The following CACUL1 variants were observed in gnomAD, a reference collection of about 807,000 sequenced individuals.
CACUL1 encodes CDK2 associated cullin domain 1.
In CACUL1, 13 loss-of-function variants were observed where a neutral mutation model predicts 45.2. That is an observed-to-expected ratio of 0.29 (90% CI 0.19 to 0.46). CACUL1 has a LOEUF of 0.46. CACUL1 is among the 20% of genes least tolerant of loss of function. CACUL1 has a pLI of 1.00. For synonymous variants in CACUL1, 197 were observed against 174.2 expected, an observed-to-expected ratio of 1.13 and a Z score of -1.03; for missense variants, 421 against 471.4, an observed-to-expected ratio of 0.89 and a Z score of 0.99.
At chr10:118,739,580 A>C (rs1276408557) in intron 1 of CACUL1, among the ~76,000 whole-genome samples, 1 of 152,214 alleles carries the variant, frequency 6.6e-6, no homozygotes, top group Non-Finnish European at 1.5e-5. Context: ...ATATGCCAAG[A>C]CCTGAAACTT....
At chr10:118,739,663 G>T (rs182762417) in intron 1 of CACUL1, among the ~76,000 whole-genome samples, 9 of 152,266 alleles carry the variant, frequency 5.9e-5, no homozygotes, top group Admixed American at 5.9e-4. Context: ...CAATAAAAAG[G>T]AAGACAAGCA....
intron 4 of CACUL1, among the ~76,000 whole-genome samples, chr10:118,704,653 T>C (rs1845416742): frequency 6.6e-6 from 1 of 152,236 alleles, no homozygotes; most frequent in Non-Finnish European, 1.5e-5. Context: ...ATGCCCACCT[T>C]TGAGTAGTGT....
chr10:118,687,213 T>C (rs542464061), intron 7 of CACUL1, among the ~76,000 whole-genome samples: 1 of 152,308 alleles, frequency 6.6e-6, no homozygotes, highest in African/African-American at 2.4e-5. Flanking sequence ...TAGTCCAGGA[T>C]GGTGATCATA....
chr10:118,724,440 C>T (rs1009925963), intron 3 of CACUL1, among the ~76,000 whole-genome samples: 2 of 152,090 alleles, frequency 1.3e-5, no homozygotes, highest in Admixed American at 6.6e-5. Context: ...ATTATATGTC[C>T]ACTACCAGAC....
At position 118,754,689 on chromosome 10, in the gene CACUL1, C is replaced by T; in HGVS notation, c.74G>A (p.Trp25Ter). The change falls in exon 1 of 9, where the codon TGG (tryptophan) becomes TAG (stop). Residue 25 changes from tryptophan to a stop codon, truncating the protein, a stop_gained. Coordinates refer to ENST00000369151, the MANE Select transcript of CACUL1 (RefSeq NM_153810.5). LOFTEE classifies it high-confidence loss of function. ...CCGGAAGCCGTCCACCGCAGCCTCC[C>T]AGTTGTTGTGGTTCTGGTCGTCCAT... ...AMMDDQNHNNWEAAVDGFRQP... is the reference protein window; with the variant it reads ...AMMDDQNHNN The T allele has an allele frequency of 6.2e-7, 1 of 1,608,876 alleles. No homozygotes were observed. The highest frequency in any genetic ancestry group is 8.5e-7 in the Non-Finnish European group (1 of 1,178,034).
intron 7 of CACUL1, among the ~76,000 whole-genome samples, chr10:118,687,233 C>T (rs956538134): frequency 6.6e-6 from 1 of 152,116 alleles, no homozygotes; most frequent in Admixed American, 6.5e-5. Flanking sequence ...ACACTCTCTC[C>T]ACAGGCCAGA....
At chr10:118,731,112 G>C (rs1845693634) in intron 1 of CACUL1, among the ~76,000 whole-genome samples, 1 of 152,180 alleles carries the variant, frequency 6.6e-6, no homozygotes. Context: ...CATTTGTACA[G>C]TGGATCCTAA....
In CACUL1 at chr10:118,695,112, C is replaced by T. The variant is rs774906652; in HGVS notation, c.886+29G>A. ...TGGAAAAGGCTGTAACAAACAGTTCCAATCCCAACAGAAATGAGAAATGTT... is the reference window on the plus strand; with the variant it reads ...TGGAAAAGGCTGTAACAAACAGTTCTAATCCCAACAGAAATGAGAAATGTT... On this transcript the variant is annotated intron_variant, in intron 6 of 8. Coordinates refer to ENST00000369151, the MANE Select transcript of CACUL1 (RefSeq NM_153810.5). 21 of 1,300,912 alleles carry T rather than the reference C, an allele frequency of 1.6e-5. No homozygotes were observed. The African/African-American group carries it at 2.5e-4, about 15-fold the overall frequency. 80.6% of individuals were successfully genotyped at this position (1,300,912 alleles called of 1,614,324 possible). A position where few individuals can be genotyped will look rare whatever the true frequency, so the allele number is the denominator to read the frequency against.
intron 6 of CACUL1, chr10:118,694,917 C>T (rs1845307610): frequency 2.6e-6 from 1 of 383,430 alleles, no homozygotes; most frequent in African/African-American, 2.0e-5. Context: ...TCTTGTATTT[C>T]CCTCACAGGT....
At chr10:118,747,216 C>CTT (rs1298872276) in intron 1 of CACUL1, among the ~76,000 whole-genome samples, 2 of 152,172 alleles carry the variant, frequency 1.3e-5, no homozygotes, top group African/African-American at 4.8e-5. Flanking sequence ...AAAGGCTAAA[C>CTT]TTTAAAAGAC....
chr10:118,713,390 C>T (rs546120427), intron 3 of CACUL1, among the ~76,000 whole-genome samples: 2 of 152,256 alleles, frequency 1.3e-5, no homozygotes, highest in Admixed American at 1.3e-4. Flanking sequence ...GTGCTCCCAC[C>T]CCAACTCAGA....
At position 118,754,503 on chromosome 10, in the gene CACUL1, A is replaced by T. The variant is rs770395667; in HGVS notation, c.260T>A (p.Val87Glu). The change falls in exon 1 of 9, where the codon GTG becomes GAG. Residue 87 changes from valine (V) to glutamate (E), a missense_variant. By Grantham distance (121) the Val-to-Glu change is moderately radical. Coordinates refer to ENST00000369151, the MANE Select transcript of CACUL1 (RefSeq NM_153810.5). Reference sequence around the variant, plus strand: ...GTCGCAGCTCTTCAACATCATGATCACCCCATTAGCCTCCGGCGGTGGCTG... The same window carrying T: ...GTCGCAGCTCTTCAACATCATGATCTCCCCATTAGCCTCCGGCGGTGGCTG... ...GPQPPPEANG[V>E]IMMLKSCDAA... 3 of 1,612,890 alleles carry T rather than the reference A, an allele frequency of 1.9e-6. 1 individual carries two copies. In the Admixed American group the frequency reaches 5.0e-5, roughly 27 times the overall value.
intron 1 of CACUL1, among the ~76,000 whole-genome samples, chr10:118,743,628 C>CT (rs1174039107): frequency 6.6e-6 from 1 of 152,088 alleles, no homozygotes; most frequent in African/African-American, 2.4e-5. Context: ...ATTCAGGAGG[C>CT]TGAGGCAGGA....
chr10:118,722,429 G>A (rs1255075419), intron 3 of CACUL1, among the ~76,000 whole-genome samples: 1 of 151,964 alleles, frequency 6.6e-6, no homozygotes, highest in African/African-American at 2.4e-5. Context: ...TCTGAGTAAC[G>A]TGACGAAACC....
intron 3 of CACUL1, among the ~76,000 whole-genome samples, chr10:118,727,139 AG>A (rs1227649654): frequency 6.6e-6 from 1 of 152,150 alleles, no homozygotes; most frequent in Non-Finnish European, 1.5e-5. Flanking sequence ...CTGTAATCCT[AG>A]TACTTTGGGA....
At chr10:118,749,895 C>T (rs573562551) in intron 1 of CACUL1, among the ~76,000 whole-genome samples, 17 of 152,332 alleles carry the variant, frequency 1.1e-4, no homozygotes, top group Non-Finnish European at 1.9e-4. Flanking sequence ...TCATGGTTCC[C>T]TAACCTGTGA....
At chr10:118,708,872 G>A (rs1845458115) in intron 3 of CACUL1, among the ~76,000 whole-genome samples, 1 of 152,160 alleles carries the variant, frequency 6.6e-6, no homozygotes, top group Non-Finnish European at 1.5e-5. Context: ...CCGGCACCAT[G>A]AGAAACAAAT....
chr10:118,707,832 G>C (rs1231947489), intron 3 of CACUL1, among the ~76,000 whole-genome samples: 1 of 152,084 alleles, frequency 6.6e-6, no homozygotes, highest in African/African-American at 2.4e-5. Flanking sequence ...TAATTAAAAG[G>C]CTTCTTCTTT....
At position 118,686,032 on chromosome 10, in the gene CACUL1, T is replaced by C; in HGVS notation, c.*96A>G. The C allele has an allele frequency of 1.3e-6, 1 of 783,036 alleles. No homozygotes were observed. Among genetic ancestry groups the C allele is most frequent in the East Asian group, 2.5e-5 (1 of 39,440 alleles). The allele number at this position is 783,036 out of a possible 1,614,324, so 48.5% of individuals were successfully genotyped here. A position where few individuals can be genotyped will look rare whatever the true frequency, so the allele number is the denominator to read the frequency against. On this transcript the variant is annotated 3_prime_UTR_variant, in exon 9 of 9. Transcript: ENST00000369151. The stretch of plus-strand genomic sequence containing the variant: ...TCCATGAACAGCTTTGTGACAGAGC[T>C]CCTGAGTGTGTGCAGCCCCCACTGT...
Sources: gnomAD v4.1 joint callset for allele counts (sites outside exome capture counted in the v4.1 genomes callset) on GRCh38, gnomAD v4.1.1 for gene constraint, MANE v1.5 for transcripts, NCBI Gene and HGNC (gene_info 2026-07-23, HGNC 2026-07-21) for gene names.